Variants in NCKAP5 observed in about 807,000 individuals in gnomAD.
NCKAP5 encodes the protein nck-associated protein 5.
NCKAP5 carries 92 observed loss-of-function variants against 167.0 expected under a neutral mutation model. The ratio of observed to expected loss-of-function variants is 0.55; its 90% CI spans 0.47 to 0.66. NCKAP5 has a LOEUF of 0.66. NCKAP5 is among the 30% of genes least tolerant of loss of function. The pLI, the probability that NCKAP5 is intolerant of heterozygous loss-of-function variation, is 0.00. For synonymous variants in NCKAP5, 891 were observed against 877.4 expected, an observed-to-expected ratio of 1.02 and a Z score of -0.27; for missense variants, 2,378 against 2,315.0, an observed-to-expected ratio of 1.03 and a Z score of -0.56.
rs1049393147 is a variant in NCKAP5, at chr2:132,823,743, T to C, written c.808-27014A>G. 2.0e-5 allele frequency among the ~76,000 whole-genome samples: 3 copies of C among 152,198 alleles called. No individual in the cohort carries two copies. In the East Asian group the frequency reaches 5.8e-4, roughly 29 times the overall value. On this transcript the variant is annotated intron_variant, in intron 11 of 19. Transcript: ENST00000409261. ...TTGAATGTAAATAGCCTAAATGCTC[T>C]ACTTAAAAGATACAGAATGGCAGAA... is the stretch of plus-strand genomic sequence containing the variant.
chr2:132,704,070 C>A (rs1688126747), intron 19 of NCKAP5, among the ~76,000 whole-genome samples: 1 of 152,138 alleles, frequency 6.6e-6, no homozygotes, highest in African/African-American at 2.4e-5. Context: ...AAACTCAAGG[C>A]CAATTAGCAG....
chr2:133,245,124 C>T (rs894891365), intron 4 of NCKAP5, among the ~76,000 whole-genome samples: 1 of 152,046 alleles, frequency 6.6e-6, no homozygotes, highest in East Asian at 1.9e-4. Flanking sequence ...TGATAGAACA[C>T]GTGTATACCC....
intron 4 of NCKAP5, among the ~76,000 whole-genome samples, chr2:133,298,873 AAAC>A (rs1559362480): frequency 6.6e-6 from 1 of 152,168 alleles, no homozygotes; most frequent in Non-Finnish European, 1.5e-5. Context: ...TCACAAAATA[AAAC>A]TATCAGAATC....
At chr2:133,360,725 T>C (rs368180772) in intron 3 of NCKAP5, among the ~76,000 whole-genome samples, 1 of 152,234 alleles carries the variant, frequency 6.6e-6, no homozygotes. Context: ...TTATTCTCTA[T>C]ACTACAATTG....
At chr2:133,596,645 T>C in the NCKAP5 span, among the ~76,000 whole-genome samples, 4 of 152,122 alleles carry the variant, frequency 2.6e-5, no homozygotes, top group African/African-American at 9.6e-5. Flanking sequence ...TAACGGAGAA[T>C]CCAGCAGAAG....
At chr2:133,014,358 C>T (rs1362772087) in intron 6 of NCKAP5, among the ~76,000 whole-genome samples, 1 of 152,230 alleles carries the variant, frequency 6.6e-6, no homozygotes. Flanking sequence ...TGACTCCCAT[C>T]CACCACCAGT....
chr2:132,786,437 A>G (rs923851620), intron 13 of NCKAP5, among the ~76,000 whole-genome samples: 5 of 152,216 alleles, frequency 3.3e-5, no homozygotes, highest in African/African-American at 1.2e-4. Context: ...CTACACTCAT[A>G]CATATACACA....
At chr2:133,532,632 C>T (rs576518967) in intron 2 of NCKAP5, among the ~76,000 whole-genome samples, 1 of 152,222 alleles carries the variant, frequency 6.6e-6, no homozygotes, top group African/African-American at 2.4e-5. Context: ...GAAGGAGCTA[C>T]ATTTGACAGG....
chr2:133,588,506 C>T, the NCKAP5 span, among the ~76,000 whole-genome samples: 1 of 146,836 alleles, frequency 6.8e-6, no homozygotes, highest in African/African-American at 2.5e-5. Flanking sequence ...TTCCTACCTT[C>T]CCTCCTCCCT....
intron 6 of NCKAP5, among the ~76,000 whole-genome samples, chr2:133,119,784 G>T (rs1176640511): frequency 6.6e-6 from 1 of 151,442 alleles, no homozygotes; most frequent in Admixed American, 6.6e-5. Flanking sequence ...TCTGGGTTGG[G>T]GTCCACATAG....
At chr2:132,735,909 A>T (rs1012221596) in intron 16 of NCKAP5, among the ~76,000 whole-genome samples, 2 of 152,184 alleles carry the variant, frequency 1.3e-5, no homozygotes, top group African/African-American at 4.8e-5. Flanking sequence ...CTTTCTGAAG[A>T]CAACAACATT....
intron 16 of NCKAP5, among the ~76,000 whole-genome samples, chr2:132,754,197 GT>G (rs2104808524): frequency 6.6e-6 from 1 of 152,266 alleles, no homozygotes; most frequent in African/African-American, 2.4e-5. Context: ...ACGATAACAT[GT>G]TTTTATTGGC....
intron 5 of NCKAP5, among the ~76,000 whole-genome samples, chr2:133,180,273 A>T (rs2084671194): frequency 1.3e-5 from 2 of 152,360 alleles, no homozygotes; most frequent in South Asian, 4.1e-4. Flanking sequence ...GGAAAACTCA[A>T]GAAAATCTGT....
chr2:133,021,847 T>A (rs1439839117), intron 6 of NCKAP5, among the ~76,000 whole-genome samples: 2 of 152,144 alleles, frequency 1.3e-5, no homozygotes, highest in African/African-American at 2.4e-5. Context: ...CCCAGGCTGT[T>A]CTTGAACTCC....
At chr2:133,449,186 G>C (rs1347389343) in intron 3 of NCKAP5, among the ~76,000 whole-genome samples, 3 of 152,154 alleles carry the variant, frequency 2.0e-5, no homozygotes, top group Non-Finnish European at 4.4e-5. Context: ...GCCTATTGTA[G>C]AGTAGTTGCT....
At chr2:133,286,249 G>C (rs10189529) in intron 4 of NCKAP5, among the ~76,000 whole-genome samples, 21,424 of 152,080 alleles carry the variant, frequency 0.14, 1,510 homozygotes, top group South Asian at 0.16. Context: ...GCCTGCCTCG[G>C]CCTCCCAAAG....
chr2:133,399,333 A>AGGTCCAG (rs1687952417), intron 3 of NCKAP5, among the ~76,000 whole-genome samples: 1 of 152,004 alleles, frequency 6.6e-6, no homozygotes, highest in African/African-American at 2.4e-5. Flanking sequence ...CAGGTAGAGT[A>AGGTCCAG]GGTCCAGGGT....
At chr2:133,449,969 C>T (rs142470600) in intron 3 of NCKAP5, among the ~76,000 whole-genome samples, 26 of 152,036 alleles carry the variant, frequency 1.7e-4, no homozygotes, top group East Asian at 3.9e-4. Context: ...TCAACTCCCA[C>T]GGGACTCACC....
At chr2:133,168,084 T>G (rs1401100876) in intron 5 of NCKAP5, among the ~76,000 whole-genome samples, 1 of 152,156 alleles carries the variant, frequency 6.6e-6, no homozygotes, top group East Asian at 1.9e-4. Context: ...CTGAAATTAT[T>G]ATTCCCACTC....
Sources: gnomAD v4.1 joint callset for allele counts (sites outside exome capture counted in the v4.1 genomes callset) on GRCh38, gnomAD v4.1.1 for gene constraint, MANE v1.5 for transcripts, NCBI Gene and HGNC (gene_info 2026-07-23, HGNC 2026-07-21) for gene names.